The following TP63 variants were observed in gnomAD, a reference collection of about 807,000 sequenced individuals.
TP63 encodes the protein tumor protein p63.
A neutral mutation model predicts 82.8 loss-of-function variants in TP63; 17 were observed. The ratio of observed to expected loss-of-function variants is 0.21; its 90% CI spans 0.14 to 0.31. The LOEUF (loss-of-function observed/expected upper bound fraction) is 0.31, where lower values mean the gene tolerates loss of function less well. Ranked by LOEUF, TP63 falls within the 10% of genes least tolerant of loss-of-function variation. The pLI is 1.00. For missense variants in TP63, 648 were observed against 895.3 expected, an observed-to-expected ratio of 0.72 and a Z score of 3.52; for synonymous variants, 330 against 321.7, an observed-to-expected ratio of 1.03 and a Z score of -0.28.
In TP63 at chr3:189,873,047, T is replaced by C. The variant is rs369130182; in HGVS notation, c.1349+52T>C. On this transcript the variant is annotated intron_variant, in intron 10 of 13. Transcript: ENST00000264731. The stretch of plus-strand genomic sequence containing the variant: ...GAGGCATGAGTGAGGGTGACTTTAT[T>C]TGGATCAGCAATAGGGTGATTGATG... The C allele has an allele frequency of 1.1e-5, 17 of 1,613,356 alleles. No homozygotes were observed. In the South Asian group the frequency reaches 1.4e-4, roughly 14 times the overall value.
At chr3:189,775,239 A>AG (rs1241784262) in intron 3 of TP63, among the ~76,000 whole-genome samples, 2 of 138,656 alleles carry the variant, frequency 1.4e-5, no homozygotes, top group Non-Finnish European at 3.3e-5. Context: ...AAAAAAAAAA[A>AG]AAAGAAAGAA....
At chr3:189,738,242 T>C (rs1720738277) in intron 2 of TP63, among the ~76,000 whole-genome samples, 1 of 152,240 alleles carries the variant, frequency 6.6e-6, no homozygotes, top group Non-Finnish European at 1.5e-5. Flanking sequence ...TATACCTTGC[T>C]GTGAAACGTA....
rs111786140 is a variant in TP63, at chr3:189,724,785, C to G, written c.63-12955C>G. On this transcript the variant is annotated intron_variant, in intron 1 of 13. Coordinates refer to ENST00000264731, the MANE Select transcript of TP63 (RefSeq NM_003722.5). ...AAGCATTATGGTTATGGAACACCTT[C>G]GTGCTGAGCACTGTTCCAGGCCTTG... Among the ~76,000 whole-genome samples, 776 of 152,296 alleles carry G rather than the reference C, an allele frequency of 5.1e-3. 6 individuals are homozygous for G. Among genetic ancestry groups the G allele is most frequent in the African/African-American group, 0.018 (754 of 41,546 alleles).
At chr3:189,654,574 T>C (rs9862450) in intron 1 of TP63, among the ~76,000 whole-genome samples, 32,210 of 152,164 alleles carry the variant, frequency 0.21, 4,158 homozygotes, top group Admixed American at 0.31. Context: ...GTGGTAGAGA[T>C]GTATTACCAA....
At chr3:189,681,545 T>G (rs1395194766) in intron 1 of TP63, among the ~76,000 whole-genome samples, 1 of 152,202 alleles carries the variant, frequency 6.6e-6, no homozygotes, top group Non-Finnish European at 1.5e-5. Flanking sequence ...GGCAATCTTT[T>G]TGATCACTGA....
chr3:189,874,939 T>C (rs1577165944), intron 10 of TP63, among the ~76,000 whole-genome samples: 1 of 151,682 alleles, frequency 6.6e-6, no homozygotes, highest in East Asian at 1.9e-4. Context: ...CACTAAGTAA[T>C]ATATCATGCT....
At chr3:189,650,640 A>G (rs1712811240) in intron 1 of TP63, among the ~76,000 whole-genome samples, 1 of 147,414 alleles carries the variant, frequency 6.8e-6, no homozygotes, top group African/African-American at 2.5e-5. Context: ...GTAAGAGTCC[A>G]AAGGCCTCCC....
At chr3:189,652,702 T>C (rs1447537232) in intron 1 of TP63, among the ~76,000 whole-genome samples, 1 of 147,010 alleles carries the variant, frequency 6.8e-6, no homozygotes, top group Non-Finnish European at 1.5e-5. Flanking sequence ...TGAATTTTAG[T>C]TCCCATAATC....
upstream of TP63, among the ~76,000 whole-genome samples, chr3:189,627,456 C>A (rs1729345444): frequency 1.3e-5 from 2 of 152,066 alleles, no homozygotes. Flanking sequence ...TACCATATGC[C>A]TGCATTTATG....
intron 3 of TP63, among the ~76,000 whole-genome samples, chr3:189,771,298 ATT>A (rs1346233161): frequency 7.2e-6 from 1 of 138,750 alleles, no homozygotes; most frequent in African/African-American, 2.7e-5. Flanking sequence ...TATATATTAT[ATT>A]TATATATATA....
chr3:189,675,055 G>C (rs1715270968), intron 1 of TP63, among the ~76,000 whole-genome samples: 1 of 152,232 alleles, frequency 6.6e-6, no homozygotes, highest in South Asian at 2.1e-4. Flanking sequence ...CTGGAGAATG[G>C]GAAGTCCAAG....
chr3:189,749,408 A>T (rs1467881455), intron 3 of TP63, among the ~76,000 whole-genome samples: 1 of 152,212 alleles, frequency 6.6e-6, no homozygotes, highest in South Asian at 2.1e-4. Context: ...TTTTCAAAAA[A>T]AGATGTAAAA....
intron 1 of TP63, among the ~76,000 whole-genome samples, chr3:189,721,130 G>A (rs1577301285): frequency 6.6e-6 from 1 of 152,208 alleles, no homozygotes; most frequent in East Asian, 1.9e-4. Context: ...GGTGCAGTAG[G>A]AAGTTTGAAG....
chr3:189,829,980 A>T, intron 4 of TP63: 1 of 313,872 alleles, frequency 3.2e-6, no homozygotes, highest in Non-Finnish European at 6.8e-6. Flanking sequence ...AAGAGAAATT[A>T]TTGTACATCG....
the TP63 span, among the ~76,000 whole-genome samples, chr3:189,610,417 C>G: frequency 6.6e-6 from 1 of 152,308 alleles, no homozygotes; most frequent in Non-Finnish European, 1.5e-5. Context: ...TCATCTCTCT[C>G]AAGTTCAAAG....
chr3:189,751,934 G>A (rs1023365366), intron 3 of TP63, among the ~76,000 whole-genome samples: 2 of 152,012 alleles, frequency 1.3e-5, no homozygotes, highest in Non-Finnish European at 2.9e-5. Context: ...GGAAAATTGT[G>A]TAGAATTGAT....
chr3:189,609,532 C>T, the TP63 span, among the ~76,000 whole-genome samples: 5 of 152,002 alleles, frequency 3.3e-5, no homozygotes, highest in African/African-American at 7.2e-5. Context: ...CTCCTTCCTC[C>T]GACCCTCCCC....
the TP63 span, among the ~76,000 whole-genome samples, chr3:189,623,273 G>A: frequency 6.6e-6 from 1 of 152,160 alleles, no homozygotes. Flanking sequence ...CTGAAAGAGA[G>A]GTTCAGCAAC....
intron 4 of TP63, among the ~76,000 whole-genome samples, chr3:189,827,644 A>C (rs1171392220): frequency 6.6e-6 from 1 of 152,210 alleles, no homozygotes; most frequent in Non-Finnish European, 1.5e-5. Flanking sequence ...TGGAGACATG[A>C]ATGTGTTATG....
Sources: gnomAD v4.1 joint callset for allele counts (sites outside exome capture counted in the v4.1 genomes callset) on GRCh38, gnomAD v4.1.1 for gene constraint, MANE v1.5 for transcripts, NCBI Gene and HGNC (gene_info 2026-07-23, HGNC 2026-07-21) for gene names.